The following ZFHX3 variants were observed in gnomAD, a reference collection of about 807,000 sequenced individuals.
ZFHX3 encodes the protein zinc finger homeobox 3, also known as zinc finger homeobox protein 3.
A neutral mutation model predicts 279.1 loss-of-function variants in ZFHX3; 42 were observed. The ratio of observed to expected loss-of-function variants is 0.15; its 90% confidence interval spans 0.12 to 0.19. ZFHX3 has a LOEUF of 0.19. Among genes scored for constraint, ZFHX3 ranks in the 10% least tolerant of loss-of-function variants. The probability of loss-of-function intolerance (pLI) is 1.00; values close to 1 mark genes in which losing one functional copy is unlikely to be tolerated. For missense variants in ZFHX3, 4,981 were observed against 4,754.0 expected (o/e 1.05, Z -1.40); for synonymous variants, 2,293 against 1,957.8 (o/e 1.17, Z -4.52).
At chr16:73,819,401 T>C (rs891800111) in intron 1 of ZFHX3, among the ~76,000 whole-genome samples, 8 of 151,466 alleles carry the variant, frequency 5.3e-5, no homozygotes, top group African/African-American at 1.9e-4. Context: ...TTGCTAATTG[T>C]TGTTAGGACT....
chr16:73,110,451 C>T (rs80297838), intron 7 of ZFHX3, among the ~76,000 whole-genome samples: 50,830 of 151,596 alleles, frequency 0.34, 8,712 homozygotes, highest in Admixed American at 0.46. Flanking sequence ...CCTGACATGA[C>T]TTTGTATTTA....
chr16:72,830,004 C>T (rs1056986003), intron 4 of ZFHX3, 145 bp from the exon 5 acceptor site: 7 of 801,630 alleles, frequency 8.7e-6, no homozygotes, highest in African/African-American at 1.7e-5. Flanking sequence ...GGGAGACTGA[C>T]GGTGCTAAGG....
chr16:73,792,957 C>A (rs1261700769), intron 1 of ZFHX3, among the ~76,000 whole-genome samples: 1 of 151,184 alleles, frequency 6.6e-6, no homozygotes, highest in Non-Finnish European at 1.5e-5. Flanking sequence ...GGTCACCCTG[C>A]ACATTCCCAG....
At chr16:73,702,845 G>A (rs1424856245) in intron 1 of ZFHX3, among the ~76,000 whole-genome samples, 2 of 152,076 alleles carry the variant, frequency 1.3e-5, no homozygotes, top group Non-Finnish European at 2.9e-5. Flanking sequence ...CCACTGTGCC[G>A]AACTGTATGA....
At chr16:73,030,444 C>G (rs959855021) in intron 1 of ZFHX3, among the ~76,000 whole-genome samples, 3 of 152,190 alleles carry the variant, frequency 2.0e-5, no homozygotes, top group Non-Finnish European at 4.4e-5. Context: ...TTCCAGGTAG[C>G]TGGGAGGATG....
intron 3 of ZFHX3, among the ~76,000 whole-genome samples, chr16:73,370,675 C>T (rs573936489): frequency 2.0e-5 from 3 of 152,254 alleles, no homozygotes; most frequent in South Asian, 4.2e-4. Context: ...TGGTCAACTG[C>T]GGGAGGCTTC....
At chr16:73,574,435 G>T (rs543451572) in intron 2 of ZFHX3, among the ~76,000 whole-genome samples, 1 of 152,230 alleles carries the variant, frequency 6.6e-6, no homozygotes, top group South Asian at 2.1e-4. Flanking sequence ...CCTTAGCCTA[G>T]GGGATTTTTA....
At chr16:73,038,658 A>G (rs912327080) in intron 1 of ZFHX3, among the ~76,000 whole-genome samples, 1 of 150,956 alleles carries the variant, frequency 6.6e-6, no homozygotes, top group African/African-American at 2.4e-5. Context: ...GGAAATGTAC[A>G]ATTACATATA....
intron 1 of ZFHX3, among the ~76,000 whole-genome samples, chr16:72,982,074 G>T (rs1311603599): frequency 6.6e-6 from 1 of 151,842 alleles, no homozygotes; most frequent in Non-Finnish European, 1.5e-5. Context: ...GTAGAGACAG[G>T]GTTTCACCAT....
At chr16:73,273,701 T>G (rs917333238) in intron 4 of ZFHX3, among the ~76,000 whole-genome samples, 3 of 152,146 alleles carry the variant, frequency 2.0e-5, no homozygotes, top group African/African-American at 7.2e-5. Context: ...ACTTTTTTTT[T>G]AAAGCCAATC....
chr16:72,951,826 C>T (rs1310348140), intron 2 of ZFHX3, among the ~76,000 whole-genome samples: 1 of 152,166 alleles, frequency 6.6e-6, no homozygotes, highest in African/African-American at 2.4e-5. Context: ...TCACTGGCTA[C>T]CTGTGACTAA....
chr16:73,354,639 G>A (rs968232973), intron 3 of ZFHX3, among the ~76,000 whole-genome samples: 1 of 152,200 alleles, frequency 6.6e-6, no homozygotes, highest in African/African-American at 2.4e-5. Context: ...CCCCAAACAG[G>A]AGGCCAAGAA....
rs1017399574 is a variant in ZFHX3 at position 73,816,632 on chromosome 16, G to T, written c.-1608+75019C>A. On this transcript the variant is annotated intron_variant, in intron 1 of 17. Coordinates refer to the ZFHX3 transcript ENST00000641206. ...ACAAAGAAGATTTTAAAAGAGATGG[G>T]GGGGGAGAGAAAAAGAGAGAGGGCT... is the stretch of plus-strand genomic sequence containing the variant. Among the ~76,000 whole-genome samples the T allele has an allele frequency of 2.1e-4, 32 of 152,304 alleles. No individual in the cohort carries two copies. The East Asian group carries it at 3.1e-3, about 15-fold the overall frequency.
At chr16:73,161,324 G>A (rs987331202) in intron 5 of ZFHX3, among the ~76,000 whole-genome samples, 7 of 152,026 alleles carry the variant, frequency 4.6e-5, no homozygotes, top group African/African-American at 1.4e-4. Context: ...TCATAAAGTC[G>A]TCTCCAACCA....
intron 2 of ZFHX3, among the ~76,000 whole-genome samples, chr16:73,545,240 G>A (rs1257046509): frequency 6.6e-6 from 1 of 152,120 alleles, no homozygotes; most frequent in Admixed American, 6.6e-5. Flanking sequence ...CCTGTTGGCA[G>A]GACATTTCAA....
intron 3 of ZFHX3, among the ~76,000 whole-genome samples, chr16:72,941,753 C>A (rs899368471): frequency 6.6e-6 from 1 of 152,088 alleles, no homozygotes; most frequent in African/African-American, 2.4e-5. Context: ...TATTTGCCAA[C>A]ACCATCCCAA....
At chr16:73,517,418 G>A (rs1047950173) in intron 2 of ZFHX3, among the ~76,000 whole-genome samples, 2 of 152,134 alleles carry the variant, frequency 1.3e-5, no homozygotes, top group Non-Finnish European at 2.9e-5. Context: ...ACAGATGAAT[G>A]TCCCTTCTCA....
In ZFHX3 at chr16:72,922,058, G is replaced by A. The variant is rs555361989; in HGVS notation, c.3216+28411C>T. ...ACTTCCTTCTCAGCCCTGCAGCACG[G>A]TAGGCACGCCGTGAAGCCCACACTC... On this transcript the variant is annotated intron_variant, in intron 3 of 9. Coordinates refer to ENST00000268489, the MANE Select transcript of ZFHX3 (RefSeq NM_006885.4). Among the ~76,000 whole-genome samples, 4 of 152,294 alleles carry A rather than the reference G, an allele frequency of 2.6e-5. No homozygotes were observed. In the South Asian group the frequency reaches 8.3e-4, roughly 32 times the overall value.
At chr16:73,383,311 GAAA>G (rs1372361505) in intron 3 of ZFHX3, among the ~76,000 whole-genome samples, 1 of 152,218 alleles carries the variant, frequency 6.6e-6, no homozygotes, top group African/African-American at 2.4e-5. Context: ...GCAGCACAAA[GAAA>G]TGTCCCTCCC....
Sources: allele counts gnomAD v4.1 joint callset (sites outside exome capture counted in the v4.1 genomes callset), GRCh38; gene constraint gnomAD v4.1.1; transcripts MANE v1.5; gene names NCBI Gene and HGNC (gene_info 2026-07-23, HGNC 2026-07-21).